The following TIAM1 variants were observed in gnomAD, a reference collection of about 807,000 sequenced individuals.
The protein encoded by TIAM1 is TIAM Rac1 associated GEF 1.
TIAM1 carries 65 observed loss-of-function variants against 163.5 expected under a neutral mutation model. That is an observed-to-expected ratio of 0.40 (90% CI 0.33 to 0.49). The LOEUF (loss-of-function observed/expected upper bound fraction) is 0.49, where lower values mean the gene tolerates loss of function less well. TIAM1 is among the 20% of genes least tolerant of loss of function. TIAM1 has a pLI of 0.77. For missense variants in TIAM1, 1,789 were observed against 2,044.7 expected (o/e 0.87, Z 2.41); for synonymous variants, 833 against 810.1 (o/e 1.03, Z -0.48).
intron 6 of TIAM1, among the ~76,000 whole-genome samples, chr21:31,238,119 A>G (rs1569085493): frequency 1.3e-5 from 2 of 152,174 alleles, no homozygotes; most frequent in Non-Finnish European, 1.5e-5. Flanking sequence ...ACAGTGTCAA[A>G]TCAGCAGCAC....
At chr21:31,348,286 T>C (rs1290729054), upstream of TIAM1, among the ~76,000 whole-genome samples, 1 of 152,198 alleles carries the variant, frequency 6.6e-6, no homozygotes, top group Non-Finnish European at 1.5e-5. Flanking sequence ...TCAGCCACAA[T>C]GGAGCTTACC....
At chr21:31,301,704 G>A (rs1458601137) in intron 2 of TIAM1, among the ~76,000 whole-genome samples, 1 of 151,932 alleles carries the variant, frequency 6.6e-6, no homozygotes, top group Admixed American at 6.6e-5. Flanking sequence ...GCTGGGCATG[G>A]TGGCACACAA....
At chr21:31,259,006 C>T (rs1307819886) in intron 4 of TIAM1, among the ~76,000 whole-genome samples, 1 of 152,040 alleles carries the variant, frequency 6.6e-6, no homozygotes, top group Non-Finnish European at 1.5e-5. Context: ...TTTATGGCCA[C>T]ATCCAACAGT....
chr21:31,210,748 GAGAAAGAAAGAAAGAAAGAA>G lies in TIAM1; in HGVS notation c.2218-553_2218-534del, dbSNP rs1272829774. ...AAGAAAGAGAAAGAAGGAAGGAAGG[GAGAAAGAAAGAAAGAAAGAA>G]AGAAAGAAAGAAAGAAAGAAAGAAA... is the stretch of plus-strand genomic sequence containing the variant. On this transcript the variant is annotated intron_variant, in intron 10 of 27. Coordinates refer to ENST00000541036, the MANE Select transcript of TIAM1 (RefSeq NM_001353694.2). 5.0e-3 allele frequency among the ~76,000 whole-genome samples: 299 copies of G among 59,806 alleles called. 3 individuals carry two copies. The highest frequency in any genetic ancestry group is 0.022 in the Middle Eastern group (3 of 136). 39.2% of individuals were successfully genotyped at this position (59,806 alleles called of 152,430 possible). A position where few individuals can be genotyped will look rare whatever the true frequency, so the allele number is the denominator to read the frequency against.
chr21:31,340,084 C>G (rs886840943), intron 1 of TIAM1, among the ~76,000 whole-genome samples: 6 of 151,944 alleles, frequency 3.9e-5, no homozygotes, highest in African/African-American at 1.5e-4. Context: ...AGACTCACTC[C>G]TTGAGCAAAG....
At chr21:31,133,076 G>T (rs553387827) in intron 23 of TIAM1, among the ~76,000 whole-genome samples, 1 of 152,206 alleles carries the variant, frequency 6.6e-6, no homozygotes, top group Middle Eastern at 3.4e-3. Context: ...CAAATCTGCC[G>T]ACTGAGGGTA....
At chr21:31,254,056 G>A (rs1472328118) in intron 4 of TIAM1, among the ~76,000 whole-genome samples, 4 of 152,196 alleles carry the variant, frequency 2.6e-5, no homozygotes, top group Admixed American at 6.5e-5. Context: ...TTTGGTATGC[G>A]TGAAAACATC....
At chr21:31,390,097 C>A (rs477145) in intron 2 of TIAM1, among the ~76,000 whole-genome samples, 2 of 151,862 alleles carry the variant, frequency 1.3e-5, no homozygotes, top group Non-Finnish European at 2.9e-5. Context: ...AATGAGGGAA[C>A]GTGAGAGATT....
At chr21:31,174,426 A>G (rs938937631) in intron 15 of TIAM1, among the ~76,000 whole-genome samples, 3 of 152,180 alleles carry the variant, frequency 2.0e-5, no homozygotes, top group African/African-American at 4.8e-5. Flanking sequence ...TGCAGAGCAC[A>G]AGCTTCCACT....
intron 20 of TIAM1, among the ~76,000 whole-genome samples, chr21:31,143,983 C>G (rs2082983264): frequency 6.6e-6 from 1 of 152,134 alleles, no homozygotes; most frequent in Admixed American, 6.5e-5. Context: ...ATCTGCCCAC[C>G]TCGGCCTCCC....
At chr21:31,187,834 G>A (rs990289746) in intron 13 of TIAM1, among the ~76,000 whole-genome samples, 1 of 152,046 alleles carries the variant, frequency 6.6e-6, no homozygotes, top group African/African-American at 2.4e-5. Flanking sequence ...TTTCCAGACC[G>A]CCTCATGTAA....
At chr21:31,235,164 A>G (rs529219294) in intron 6 of TIAM1, among the ~76,000 whole-genome samples, 2 of 152,344 alleles carry the variant, frequency 1.3e-5, no homozygotes, top group East Asian at 3.9e-4. Flanking sequence ...GCAGGCTTCA[A>G]AGGAAAACAT....
chr21:31,214,557 G>C (rs534691621), intron 9 of TIAM1, among the ~76,000 whole-genome samples: 1 of 151,808 alleles, frequency 6.6e-6, no homozygotes, highest in African/African-American at 2.4e-5. Context: ...CAACATAGGG[G>C]TTTTTTTAAT....
At chr21:31,232,625 A>T (rs2088504926) in intron 6 of TIAM1, among the ~76,000 whole-genome samples, 1 of 152,162 alleles carries the variant, frequency 6.6e-6, no homozygotes, top group African/African-American at 2.4e-5. Context: ...TTGTTCCTCA[A>T]GGTCTCTCCA....
chr21:31,272,196 T>G (rs1249168451), intron 3 of TIAM1, among the ~76,000 whole-genome samples: 2 of 152,200 alleles, frequency 1.3e-5, no homozygotes, highest in Non-Finnish European at 2.9e-5. Context: ...GAATATTTAT[T>G]TATAATAAGT....
chr21:31,141,107 G>A lies in TIAM1; in HGVS notation c.3774+11C>T. 1 of 1,602,810 alleles carries A rather than the reference G, an allele frequency of 6.2e-7. No homozygotes were observed. Among genetic ancestry groups the A allele is most frequent in the Non-Finnish European group, 8.5e-7 (1 of 1,172,768 alleles). ...TCCTGACAGATGTCCTGAGAAGATG[G>A]GGACCCTCACCTCTTTTTTCTCACC... On this transcript the variant is annotated intron_variant, in intron 22 of 27. Coordinates refer to ENST00000541036, the MANE Select transcript of TIAM1 (RefSeq NM_001353694.2). The surrounding 1 kb of genome is among the most constrained non-coding windows in gnomAD (Gnocchi z 4.7).
chr21:31,299,572 A>G (rs183234191), intron 2 of TIAM1, among the ~76,000 whole-genome samples: 10 of 152,360 alleles, frequency 6.6e-5, no homozygotes, highest in Middle Eastern at 6.8e-3. Flanking sequence ...ACAGGTCTTG[A>G]GCAACTGTGA....
intron 13 of TIAM1, among the ~76,000 whole-genome samples, chr21:31,192,364 T>C (rs141224121): frequency 0.013 from 1,973 of 152,312 alleles, 48 homozygotes; most frequent in African/African-American, 0.044. Flanking sequence ...ATGCCTGTAA[T>C]CCCAGCACTT....
At chr21:31,337,085 C>T (rs1036026923) in intron 2 of TIAM1, among the ~76,000 whole-genome samples, 2 of 152,160 alleles carry the variant, frequency 1.3e-5, no homozygotes, top group Admixed American at 6.5e-5. Context: ...AATCCTGGTA[C>T]CTCACTTTCC....
Sources: gnomAD v4.1 joint callset for allele counts (sites outside exome capture counted in the v4.1 genomes callset) on GRCh38, gnomAD v4.1.1 for gene constraint, Gnocchi (gnomAD v3.1) non-coding constraint, MANE v1.5 for transcripts, NCBI Gene and HGNC (gene_info 2026-07-23, HGNC 2026-07-21) for gene names.